The following CEP135 variants were observed in gnomAD, a reference collection of about 807,000 sequenced individuals.
CEP135 encodes centrosomal protein 135.
A neutral mutation model predicts 157.3 loss-of-function variants in CEP135; 142 were observed. That is an observed-to-expected ratio of 0.90 (90% CI 0.79 to 1.04). CEP135 has a LOEUF of 1.04. Among genes scored for constraint, CEP135 ranks in the 50% least tolerant of loss-of-function variants. CEP135 has a pLI of 0.00. For missense variants in CEP135, 1,317 were observed against 1,309.2 expected (o/e 1.01, Z -0.09); for synonymous variants, 396 against 439.8 (o/e 0.90, Z 1.25).
At chr4:55,981,474 A>G (rs1393512130) in intron 13 of CEP135, 95 bp downstream of exon 13, 1 of 1,100,064 alleles carries the variant, frequency 9.1e-7, no homozygotes. Flanking sequence ...GGCCAAATCC[A>G]GACCACTTTG....
intron 6 of CEP135, chr4:55,960,544 TCTG>T (rs1728644658): frequency 3.3e-5 from 5 of 152,230 alleles, no homozygotes; most frequent in African/African-American, 1.2e-4. Context: ...TTTTGAGTGA[TCTG>T]CACACACAAA....
In CEP135 at chr4:55,956,113, G is replaced by T. The variant is rs905094641; in HGVS notation, c.473-1110G>T. ...CCAGGAGGTAAAGAAAGAAGGAATG[G>T]TTAGCTTTGTTCAGGTGTGTGAACA... On this transcript the variant is annotated intron_variant, in intron 4 of 25. Transcript: ENST00000257287. Among the ~76,000 whole-genome samples, 4 of 152,124 alleles carry T rather than the reference G, an allele frequency of 2.6e-5. No homozygotes were observed. The East Asian group carries it at 5.8e-4, about 22-fold the overall frequency.
intron 25 of CEP135, among the ~76,000 whole-genome samples, chr4:56,028,975 C>CT (rs1731243861): frequency 6.6e-6 from 1 of 152,226 alleles, no homozygotes; most frequent in Non-Finnish European, 1.5e-5. Flanking sequence ...ATCTGTGCTT[C>CT]TGACTGAAGA....
intron 20 of CEP135, 35 bp from the exon 21 acceptor site, chr4:56,011,765 C>A: frequency 6.6e-7 from 1 of 1,513,452 alleles, no homozygotes; most frequent in South Asian, 1.3e-5. Flanking sequence ...GTGACAATTA[C>A]TAATTTAGAA....
intron 25 of CEP135, among the ~76,000 whole-genome samples, chr4:56,029,008 C>T (rs1731244628): frequency 1.3e-5 from 2 of 152,182 alleles, no homozygotes; most frequent in South Asian, 2.1e-4. Context: ...CCCCTCATCA[C>T]ATTCTATTAA....
chr4:56,027,917 A>G (rs777970796), intron 25 of CEP135, among the ~76,000 whole-genome samples: 12 of 152,062 alleles, frequency 7.9e-5, no homozygotes, highest in Middle Eastern at 3.4e-3. Context: ...TTAAACAATC[A>G]CTCTCCAATC....
In CEP135 at chr4:56,032,847, A is replaced by AGTGTTTGTGT. The variant is rs1731409249; in HGVS notation, c.*1503_*1504insTTGTGTGTGT. The AGTGTTTGTGT allele has an allele frequency of 6.7e-6, 1 of 149,730 alleles. No homozygotes were observed. The highest frequency in any genetic ancestry group is 1.5e-5 in the Non-Finnish European group (1 of 67,348). 9.3% of individuals were successfully genotyped at this position (149,730 alleles called of 1,614,324 possible). Reference sequence around the variant, plus strand: ...TTCCTCTTGTGGTTTAATAAAGTGAAGTGTGTGTGTGTGTGTGTGTGTGTA... The same window carrying AGTGTTTGTGT: ...TTCCTCTTGTGGTTTAATAAAGTGAAGTGTTTGTGTGTGTGTGTGTGTGTGTGTGTGTGTA... On this transcript the variant is annotated 3_prime_UTR_variant, in exon 26 of 26. Coordinates refer to ENST00000257287, the MANE Select transcript of CEP135 (RefSeq NM_025009.5).
rs370910909 is a variant in CEP135 at position 56,017,729 on chromosome 4, C to T, written c.2884C>T (p.His962Tyr). 44 of 1,613,780 alleles carry T rather than the reference C, an allele frequency of 2.7e-5. No individual in the cohort carries two copies. The highest frequency in any genetic ancestry group is 3.6e-5 in the Non-Finnish European group (42 of 1,179,966). The change falls in exon 22 of 26, where the codon CAT becomes TAT. Residue 962 changes from histidine (H) to tyrosine (Y), a missense_variant. Physicochemically the swap from His to Tyr is moderately conservative, Grantham distance 83. Coordinates refer to ENST00000257287, the MANE Select transcript of CEP135 (RefSeq NM_025009.5). ...GTCTCGATTAGAAGAAGAGCTGAGA[C>T]ATCAAGAAGATGAGAAAGCAACAGT... ...AMSRLEEELR[H>Y]QEDEKATVLN...
intron 8 of CEP135, among the ~76,000 whole-genome samples, chr4:55,967,464 A>G (rs1427938898): frequency 6.6e-6 from 1 of 152,128 alleles, no homozygotes; most frequent in East Asian, 1.9e-4. Flanking sequence ...AATGATATAC[A>G]TGCCCTTCTT....
chr4:55,959,062 G>GTAAC (rs1249630358), intron 5 of CEP135, among the ~76,000 whole-genome samples: 1 of 152,052 alleles, frequency 6.6e-6, no homozygotes, highest in Non-Finnish European at 1.5e-5. Flanking sequence ...TCTAGCCCGG[G>GTAAC]TAACATAGGA....
intron 13 of CEP135, among the ~76,000 whole-genome samples, chr4:55,982,371 A>T (rs947211947): frequency 2.0e-5 from 3 of 152,120 alleles, no homozygotes; most frequent in African/African-American, 4.8e-5. Context: ...ATTGAAGCCA[A>T]GCTGTTTTTA....
intron 15 of CEP135, among the ~76,000 whole-genome samples, chr4:55,997,280 C>T (rs1730005144): frequency 1.3e-5 from 2 of 152,190 alleles, no homozygotes. Flanking sequence ...GTTTTCTTCT[C>T]TTTCTACCCT....
chr4:56,028,086 A>T (rs1454261489), intron 25 of CEP135, among the ~76,000 whole-genome samples: 1 of 152,198 alleles, frequency 6.6e-6, no homozygotes, highest in Non-Finnish European at 1.5e-5. Context: ...GTTCATCCAT[A>T]TTGTAGGATA....
chr4:55,985,881 A>C (rs2109692130), intron 14 of CEP135, among the ~76,000 whole-genome samples: 1 of 152,292 alleles, frequency 6.6e-6, no homozygotes, highest in East Asian at 1.9e-4. Flanking sequence ...TAGAGGCTGC[A>C]GTGAGCCATG....
At chr4:56,006,027 T>C (rs1396479707) in intron 17 of CEP135, among the ~76,000 whole-genome samples, 39 of 152,238 alleles carry the variant, frequency 2.6e-4, no homozygotes, top group Admixed American at 2.6e-3. Flanking sequence ...ATCTTTGTCC[T>C]TGACCTTGGA....
At chr4:55,959,422 A>G (rs1728607964) in intron 5 of CEP135, among the ~76,000 whole-genome samples, 3 of 152,210 alleles carry the variant, frequency 2.0e-5, no homozygotes, top group Non-Finnish European at 4.4e-5. Flanking sequence ...CTGGGGATCA[A>G]AATGCAATAG....
chr4:55,999,174 AG>A, intron 15 of CEP135, 127 bp from the exon 16 acceptor site: 2 of 669,830 alleles, frequency 3.0e-6, no homozygotes, highest in South Asian at 4.1e-5. Context: ...ATACTGGAGG[AG>A]CTTTAAAATA....
intron 15 of CEP135, 92 bp downstream of exon 15, chr4:55,992,177 T>G: frequency 1.6e-6 from 2 of 1,245,578 alleles, no homozygotes; most frequent in Non-Finnish European, 2.2e-6. Context: ...ACTGGGCCTT[T>G]GTGCAGTAGT....
At chr4:56,007,848 T>G (rs1006762828) in intron 17 of CEP135, among the ~76,000 whole-genome samples, 36 of 152,204 alleles carry the variant, frequency 2.4e-4, no homozygotes, top group African/African-American at 8.0e-4. Context: ...TCCTCATATT[T>G]GAGTCCTGGG....
Sources: gnomAD v4.1 joint callset for allele counts (sites outside exome capture counted in the v4.1 genomes callset) on GRCh38, gnomAD v4.1.1 for gene constraint, MANE v1.5 for transcripts, NCBI Gene and HGNC (gene_info 2026-07-23, HGNC 2026-07-21) for gene names.